The following KLF12 variants were observed in gnomAD, a reference collection of about 807,000 sequenced individuals.
The protein encoded by KLF12 is KLF transcription factor 12, also known as Krueppel-like factor 12.
Under a neutral mutation model 37.8 loss-of-function variants are expected in KLF12, and 9 were observed. The ratio of observed to expected loss-of-function variants is 0.24; its 90% CI spans 0.14 to 0.42. The LOEUF (loss-of-function observed/expected upper bound fraction) is 0.42, where lower values mean the gene tolerates loss of function less well. Among genes scored for constraint, KLF12 ranks in the 10% least tolerant of loss-of-function variants. The pLI is 1.00. For synonymous variants in KLF12, 208 were observed against 202.1 expected (o/e 1.03, Z -0.25); for missense variants, 411 against 516.0 (o/e 0.80, Z 1.97).
At chr13:73,751,454 C>T (rs1340022008) in intron 6 of KLF12, among the ~76,000 whole-genome samples, 1 of 152,090 alleles carries the variant, frequency 6.6e-6, no homozygotes, top group Non-Finnish European at 1.5e-5. Flanking sequence ...GGAATCTAAA[C>T]AGACCTGTTC....
At chr13:74,060,494 G>GTGTGTGTGTGTGTGTC (rs1555336646) in intron 1 of KLF12, among the ~76,000 whole-genome samples, 2,262 of 126,146 alleles carry the variant, frequency 0.018, 73 homozygotes, top group African/African-American at 0.058. Context: ...TTGTGTGTGT[G>GTGTGTGTGTGTGTGTC]TGTGTGTGTG....
chr13:74,195,402 G>C, the KLF12 span, among the ~76,000 whole-genome samples: 5 of 152,212 alleles, frequency 3.3e-5, no homozygotes, highest in East Asian at 9.7e-4. Flanking sequence ...GACACCTACT[G>C]CTATGAATCC....
intron 1 of KLF12, among the ~76,000 whole-genome samples, chr13:74,056,019 A>T (rs974274207): frequency 1.3e-5 from 2 of 152,234 alleles, no homozygotes; most frequent in Non-Finnish European, 2.9e-5. Context: ...TCAGGAAAAC[A>T]TGGGTGTACC....
chr13:74,081,184 A>C (rs1404438048), intron 1 of KLF12, among the ~76,000 whole-genome samples: 1 of 152,236 alleles, frequency 6.6e-6, no homozygotes. Context: ...CATAACTGCC[A>C]GGTGATCTTA....
At position 73,933,165 on chromosome 13, in the gene KLF12, G is replaced by A. The variant is rs568760707; in HGVS notation, c.123+10816C>T. On this transcript the variant is annotated intron_variant, in intron 3 of 7. Coordinates refer to ENST00000377669, the MANE Select transcript of KLF12 (RefSeq NM_007249.5). ...CATGAAACTATTATGTTCTCTTAAT[G>A]AATTGACATCCTTATTATGAGATGC... Among the ~76,000 whole-genome samples the A allele has an allele frequency of 1.2e-3, 179 of 152,240 alleles. 1 individual carries two copies. Among genetic ancestry groups the A allele is most frequent in the African/African-American group, 3.9e-3 (163 of 41,556 alleles).
chr13:74,048,316 G>A (rs1893601407), intron 1 of KLF12, among the ~76,000 whole-genome samples: 1 of 152,126 alleles, frequency 6.6e-6, no homozygotes, highest in Non-Finnish European at 1.5e-5. Flanking sequence ...AGAAAGGAAG[G>A]AATAGACTGG....
chr13:73,868,840 A>C (rs1886328413), intron 3 of KLF12, among the ~76,000 whole-genome samples: 1 of 152,218 alleles, frequency 6.6e-6, no homozygotes, highest in Admixed American at 6.5e-5. Flanking sequence ...TCCACGGAAC[A>C]AAAAAAGAAG....
At chr13:74,124,472 AT>A (rs943782148) in intron 1 of KLF12, among the ~76,000 whole-genome samples, 30 of 152,304 alleles carry the variant, frequency 2.0e-4, no homozygotes, top group African/African-American at 6.5e-4. Context: ...TATTTAAAAG[AT>A]TTTTTTGTCA....
intron 2 of KLF12, among the ~76,000 whole-genome samples, chr13:73,988,103 T>G (rs545963856): frequency 1.8e-4 from 27 of 152,366 alleles, no homozygotes; most frequent in African/African-American, 6.3e-4. Context: ...CCACTTCCAG[T>G]AGATCCCCTG....
At chr13:73,718,754 C>T (rs745958495) in intron 6 of KLF12, among the ~76,000 whole-genome samples, 6 of 152,034 alleles carry the variant, frequency 3.9e-5, no homozygotes, top group Admixed American at 2.0e-4. Flanking sequence ...ATTAGCTGGG[C>T]GTGGTGGCAT....
chr13:74,178,349 G>GTTTTGT, the KLF12 span, among the ~76,000 whole-genome samples: 58 of 152,242 alleles, frequency 3.8e-4, no homozygotes, highest in African/African-American at 1.4e-3. Flanking sequence ...GTTTTGTTTT[G>GTTTTGT]TTTTTTACAC....
intron 5 of KLF12, among the ~76,000 whole-genome samples, chr13:73,793,110 G>C (rs1881779071): frequency 6.6e-6 from 1 of 152,154 alleles, no homozygotes; most frequent in Non-Finnish European, 1.5e-5. Context: ...ATAATAAAAA[G>C]AGCGATAACA....
the KLF12 span, among the ~76,000 whole-genome samples, chr13:74,163,838 C>T: frequency 6.9e-5 from 3 of 43,182 alleles, no homozygotes; most frequent in Non-Finnish European, 1.2e-4. Context: ...TTGTGCACCC[C>T]GTATATATAT....
Position 73,693,747 on chromosome 13 carries a change from A to G in KLF12, c.*1743T>C, listed in dbSNP as rs188436158. On this transcript the variant is annotated 3_prime_UTR_variant, in exon 8 of 8. Coordinates refer to ENST00000377669, the MANE Select transcript of KLF12 (RefSeq NM_007249.5). The stretch of plus-strand genomic sequence containing the variant: ...TGTTTGTAATTAAAATATATTGCAA[A>G]GGTCTTTGTTGGAGACCTTTTATAT... 1.3e-3 allele frequency: 192 copies of G among 152,746 alleles called. No homozygotes were observed. The highest frequency in any genetic ancestry group is 4.4e-3 in the African/African-American group (184 of 41,574). The allele number at this position is 152,746 out of a possible 1,614,324, so 9.5% of individuals were successfully genotyped here. A position where few individuals can be genotyped will look rare whatever the true frequency, so the allele number is the denominator to read the frequency against.
chr13:73,967,284 T>A (rs113072606), intron 2 of KLF12, among the ~76,000 whole-genome samples: 5 of 152,280 alleles, frequency 3.3e-5, no homozygotes, highest in African/African-American at 1.2e-4. Flanking sequence ...TGAGTTTGAA[T>A]CTGTGCAGAG....
At chr13:74,053,520 T>C (rs996605832) in intron 1 of KLF12, among the ~76,000 whole-genome samples, 3 of 152,030 alleles carry the variant, frequency 2.0e-5, no homozygotes, top group African/African-American at 2.4e-5. Context: ...GAAACTAAAG[T>C]ATAGAGAAGT....
At chr13:73,846,530 T>A (rs1885034852) in intron 3 of KLF12, among the ~76,000 whole-genome samples, 157 bp from the exon 4 acceptor site, 1 of 152,190 alleles carries the variant, frequency 6.6e-6, no homozygotes, top group Non-Finnish European at 1.5e-5. Context: ...AGACAGTCAC[T>A]GTGATTAAAA....
the KLF12 span, among the ~76,000 whole-genome samples, chr13:74,181,553 G>T: frequency 1.6e-4 from 24 of 151,366 alleles, no homozygotes; most frequent in African/African-American, 5.8e-4. Flanking sequence ...AAAAAAATTA[G>T]CCAGGCATGG....
intron 3 of KLF12, among the ~76,000 whole-genome samples, chr13:73,898,338 C>T (rs908579995): frequency 6.6e-6 from 1 of 152,206 alleles, no homozygotes; most frequent in Non-Finnish European, 1.5e-5. Flanking sequence ...AACATTCTCT[C>T]TCTCATTTTC....
Sources: gnomAD v4.1 joint callset for allele counts (sites outside exome capture counted in the v4.1 genomes callset) on GRCh38, gnomAD v4.1.1 for gene constraint, MANE v1.5 for transcripts, NCBI Gene and HGNC (gene_info 2026-07-23, HGNC 2026-07-21) for gene names.